Variants in FARP2 observed in about 807,000 individuals in gnomAD.
FARP2 encodes the protein FERM, ARH/RhoGEF and pleckstrin domain protein 2.
A neutral mutation model predicts 130.5 loss-of-function variants in FARP2; 111 were observed. The ratio of observed to expected loss-of-function variants is 0.85; its 90% confidence interval spans 0.73 to 1.00. The LOEUF (loss-of-function observed/expected upper bound fraction) is 1.00, where lower values mean the gene tolerates loss of function less well. Ranked by LOEUF, FARP2 falls within the 50% of genes least tolerant of loss-of-function variation. The pLI is 0.00. For synonymous variants in FARP2, 504 were observed against 516.9 expected (o/e 0.98, Z 0.34); for missense variants, 1,385 against 1,346.3 (o/e 1.03, Z -0.45).
intron 1 of FARP2, among the ~76,000 whole-genome samples, chr2:241,371,897 T>C: frequency 6.6e-6 from 1 of 152,140 alleles, no homozygotes; most frequent in South Asian, 2.1e-4. Flanking sequence ...TGATACTTAA[T>C]ACTAAATATT....
intron 1 of FARP2, among the ~76,000 whole-genome samples, chr2:241,366,138 T>TATATATATATATACGTATATATATATAC (rs1491421503): frequency 7.2e-6 from 1 of 138,442 alleles, no homozygotes; most frequent in Admixed American, 7.9e-5. Context: ...TATATATATA[T>TATATATATATATACGTATATATATATAC]ACACACACAC....
At chr2:241,369,140 C>T (rs1465635031) in intron 1 of FARP2, among the ~76,000 whole-genome samples, 2 of 151,980 alleles carry the variant, frequency 1.3e-5, no homozygotes, top group South Asian at 2.1e-4. Context: ...AGTGTGCAAA[C>T]GTGTAAAGAT....
chr2:241,474,507 G>A (rs2064404137), intron 18 of FARP2, among the ~76,000 whole-genome samples: 1 of 148,264 alleles, frequency 6.7e-6, no homozygotes, highest in African/African-American at 2.5e-5. Context: ...AAGGGAGAAG[G>A]TGGCCGGGCA....
chr2:241,396,029 G>A (rs561890877), intron 2 of FARP2: 2 of 152,254 alleles, frequency 1.3e-5, no homozygotes, highest in Admixed American at 6.5e-5. Context: ...TTAAACTAGA[G>A]TGATGATACA....
At chr2:241,410,433 C>CT (rs11369953) in intron 5 of FARP2, among the ~76,000 whole-genome samples, 94,758 of 143,570 alleles carry the variant, frequency 0.66, 31,149 homozygotes, top group Middle Eastern at 0.76. Context: ...TAATTTCTTT[C>CT]TTTTTTTTTT....
chr2:241,396,098 T>A (rs1156586478), intron 2 of FARP2: 1 of 152,176 alleles, frequency 6.6e-6, no homozygotes, highest in Non-Finnish European at 1.5e-5. Flanking sequence ...ATTCCCTGTT[T>A]AATAAATGGT....
At chr2:241,414,817 G>A (rs991278563) in intron 7 of FARP2, among the ~76,000 whole-genome samples, 8 of 152,208 alleles carry the variant, frequency 5.3e-5, no homozygotes, top group African/African-American at 9.6e-5. Flanking sequence ...AAGGAGGCTC[G>A]TGGGAGGACC....
At chr2:241,409,068 A>G (rs2062445471) in intron 5 of FARP2, among the ~76,000 whole-genome samples, 1 of 151,916 alleles carries the variant, frequency 6.6e-6, no homozygotes, top group Admixed American at 6.6e-5. Flanking sequence ...AGATAGATAG[A>G]TAGATAGATA....
At chr2:241,358,104 A>C (rs1337673702) in intron 1 of FARP2, among the ~76,000 whole-genome samples, 1 of 152,164 alleles carries the variant, frequency 6.6e-6, no homozygotes, top group African/African-American at 2.4e-5. Flanking sequence ...CACGAGAATC[A>C]CTTGAACCCA....
rs202170179 is a variant in FARP2, at chr2:241,408,979, C to CA, written c.410+1373dup. Among the ~76,000 whole-genome samples, 550 of 146,174 alleles carry CA rather than the reference C, an allele frequency of 3.8e-3. 2 individuals carry two copies. Among genetic ancestry groups the CA allele is most frequent in the African/African-American group, 0.013 (517 of 39,820 alleles). The stretch of plus-strand genomic sequence containing the variant: ...AGTGTATTAAATGCCTGACATTTAC[C>CA]AAAAAAAAAGTCTCTTTTGAGGGAA... On this transcript the variant is annotated intron_variant, in intron 5 of 26. Coordinates refer to ENST00000264042, the MANE Select transcript of FARP2 (RefSeq NM_014808.4).
chr2:241,393,352 A>C (rs1311427121), intron 2 of FARP2, among the ~76,000 whole-genome samples: 3 of 152,106 alleles, frequency 2.0e-5, no homozygotes, highest in Admixed American at 6.5e-5. Flanking sequence ...TTGGAGTAGA[A>C]GTTTGGTGTA....
chr2:241,470,268 G>C (rs918461857), intron 18 of FARP2, among the ~76,000 whole-genome samples: 1 of 152,256 alleles, frequency 6.6e-6, no homozygotes, highest in African/African-American at 2.4e-5. Context: ...GTTTCCAAGG[G>C]TGCTGGATGT....
At chr2:241,493,071 T>C in intron 25 of FARP2, 35 bp downstream of exon 25, 3 of 1,282,416 alleles carry the variant, frequency 2.3e-6, no homozygotes, top group Non-Finnish European at 3.4e-6. Flanking sequence ...ATGCAGGTGA[T>C]GCTAGCAGAC....
intron 4 of FARP2, 65 bp from the exon 5 acceptor site, chr2:241,407,472 T>C (rs2062391152): frequency 2.6e-6 from 3 of 1,154,786 alleles, no homozygotes; most frequent in South Asian, 1.2e-5. Context: ...TATACAGTAA[T>C]ATATGAAAAG....
At chr2:241,365,301 T>C (rs941917673) in intron 1 of FARP2, among the ~76,000 whole-genome samples, 1 of 152,222 alleles carries the variant, frequency 6.6e-6, no homozygotes, top group African/African-American at 2.4e-5. Flanking sequence ...CCCAACTCGT[T>C]GGATTATTTT....
chr2:241,358,773 A>G (rs963320770), intron 1 of FARP2, among the ~76,000 whole-genome samples: 7 of 152,222 alleles, frequency 4.6e-5, no homozygotes, highest in African/African-American at 1.7e-4. Flanking sequence ...TCCTTTGACC[A>G]TAGCGTATTT....
chr2:241,462,610 G>A lies in FARP2; in HGVS notation c.1675G>A (p.Val559Met), dbSNP rs149617362. Residue 559 changes from valine to methionine, a missense_variant and splice_region_variant, in exon 15 of 27, where the codon GTG becomes ATG. By Grantham distance (21) the Val-to-Met change is conservative. Transcript: ENST00000264042. ...TYLKDLEVITVWFRSAVVKED... is the reference protein window; with the variant it reads ...TYLKDLEVITMWFRSAVVKED... Reference sequence around the variant, plus strand: ...CCTCAAGGATTTAGAAGTTATTACCGTGGTACGAAAGTCCTTGATTACTTT... The same window carrying A: ...CCTCAAGGATTTAGAAGTTATTACCATGGTACGAAAGTCCTTGATTACTTT... The A allele has an allele frequency of 1.4e-5, 23 of 1,598,708 alleles. No homozygotes were observed. The highest frequency in any genetic ancestry group is 1.7e-4 in the Middle Eastern group (1 of 6,028).
chr2:241,404,406 A>C (rs1350776084), intron 3 of FARP2, among the ~76,000 whole-genome samples: 1 of 152,228 alleles, frequency 6.6e-6, no homozygotes, highest in East Asian at 1.9e-4. Context: ...GATTTATCCA[A>C]GTCTCCTGTT....
At chr2:241,490,930 C>G (rs1046686124) in intron 22 of FARP2, 131 bp from the exon 23 acceptor site, 32 of 727,330 alleles carry the variant, frequency 4.4e-5, no homozygotes, top group Non-Finnish European at 7.2e-5. Context: ...GACACGTTTC[C>G]CAGTCCTCTC....
Sources: gnomAD v4.1 joint callset for allele counts (sites outside exome capture counted in the v4.1 genomes callset) on GRCh38, gnomAD v4.1.1 for gene constraint, MANE v1.5 for transcripts, NCBI Gene and HGNC (gene_info 2026-07-23, HGNC 2026-07-21) for gene names.